SNTG1: variants seen among roughly 807,000 people sequenced by gnomAD.
SNTG1 encodes gamma-1-syntrophin.
In SNTG1, 39 loss-of-function variants were observed where a neutral mutation model predicts 74.7. That is an observed-to-expected ratio of 0.52 (90% CI 0.40 to 0.68). The LOEUF is 0.68. Ranked by LOEUF, SNTG1 falls within the 30% of genes least tolerant of loss-of-function variation. The pLI, the probability that SNTG1 is intolerant of heterozygous loss-of-function variation, is 0.00. For synonymous variants in SNTG1, 254 were observed against 217.1 expected, an observed-to-expected ratio of 1.17 and a Z score of -1.49; for missense variants, 685 against 609.5, an observed-to-expected ratio of 1.12 and a Z score of -1.30.
At chr8:50,758,369 G>A (rs137872924) in intron 18 of SNTG1, among the ~76,000 whole-genome samples, 2 of 151,902 alleles carry the variant, frequency 1.3e-5, no homozygotes, top group Non-Finnish European at 2.9e-5. Context: ...TGTGCAGAAT[G>A]TGCAGGTTTG....
chr8:50,350,063 A>T (rs866524568), intron 2 of SNTG1, among the ~76,000 whole-genome samples: 17 of 152,252 alleles, frequency 1.1e-4, no homozygotes, highest in African/African-American at 3.9e-4. Context: ...CACCCTGGCC[A>T]GCGGCTGCAG....
At position 50,445,829 on chromosome 8, in the gene SNTG1, C is replaced by T. The variant is rs891766351; in HGVS notation, c.220-3839C>T. ...TTGCCTGGACCTCAGGCCATTTATA[C>T]TTCAGTAGGAAAGTAGACTTTGATC... On this transcript the variant is annotated intron_variant, in intron 5 of 18. Coordinates refer to ENST00000642720, the MANE Select transcript of SNTG1 (RefSeq NM_018967.5). 2.0e-3 allele frequency among the ~76,000 whole-genome samples: 299 copies of T among 152,296 alleles called. 1 individual carries two copies. The highest frequency in any genetic ancestry group is 3.8e-3 in the Non-Finnish European group (261 of 68,030).
At chr8:50,336,896 T>C (rs980954871) in intron 2 of SNTG1, among the ~76,000 whole-genome samples, 1 of 152,204 alleles carries the variant, frequency 6.6e-6, no homozygotes, top group African/African-American at 2.4e-5. Flanking sequence ...ATTGTGGCCA[T>C]TGAGTTTGTG....
intron 13 of SNTG1, among the ~76,000 whole-genome samples, chr8:50,621,836 A>C (rs1365278558): frequency 6.6e-6 from 1 of 152,226 alleles, no homozygotes; most frequent in Non-Finnish European, 1.5e-5. Flanking sequence ...AAACTCTTAG[A>C]AATAATTAGT....
At chr8:49,979,439 T>C (rs1430912218) in intron 1 of SNTG1, among the ~76,000 whole-genome samples, 2 of 152,214 alleles carry the variant, frequency 1.3e-5, no homozygotes, top group African/African-American at 4.8e-5. Context: ...TTCTGTGCTT[T>C]TGATGACAAT....
Position 50,349,999 on chromosome 8 carries a change from C to A in SNTG1, c.-27-44213C>A, listed in dbSNP as rs527525775. Among the ~76,000 whole-genome samples the A allele has an allele frequency of 1.8e-4, 27 of 152,312 alleles. No individual in the cohort carries two copies. In the East Asian group the frequency reaches 4.8e-3, roughly 27 times the overall value. On this transcript the variant is annotated intron_variant, in intron 2 of 18. Coordinates refer to ENST00000642720, the MANE Select transcript of SNTG1 (RefSeq NM_018967.5). ...TTCTGGGTGGGCGTGGGCTTGGCGG[C>A]CCCACACTCAGAGCGGCCAGCCAGG... is the stretch of plus-strand genomic sequence containing the variant.
At chr8:50,346,907 T>A (rs1587245074) in intron 2 of SNTG1, among the ~76,000 whole-genome samples, 2 of 152,226 alleles carry the variant, frequency 1.3e-5, no homozygotes, top group South Asian at 4.1e-4. Context: ...AAGGTTGAAG[T>A]GAGCAGAAGC....
chr8:50,220,728 G>A (rs772077577), intron 2 of SNTG1, among the ~76,000 whole-genome samples: 3 of 152,162 alleles, frequency 2.0e-5, no homozygotes, highest in Non-Finnish European at 4.4e-5. Flanking sequence ...GAAGGACCCT[G>A]GCACTTGTTT....
In SNTG1 at chr8:50,727,776, C is replaced by G. The variant is rs538894239; in HGVS notation, c.1284+18798C>G. Among the ~76,000 whole-genome samples, 450 of 152,274 alleles carry G rather than the reference C, an allele frequency of 3.0e-3. 3 individuals are homozygous for G. The highest frequency in any genetic ancestry group is 0.01 in the African/African-American group (435 of 41,536). ...TCACACTGTCATCCCAAGAGCTGAT[C>G]CTGTGGCTATGGATGCTGATTTATT... On this transcript the variant is annotated intron_variant, in intron 17 of 18. Coordinates refer to ENST00000642720, the MANE Select transcript of SNTG1 (RefSeq NM_018967.5).
At chr8:50,254,101 A>G (rs1289306932) in intron 2 of SNTG1, among the ~76,000 whole-genome samples, 2 of 152,192 alleles carry the variant, frequency 1.3e-5, no homozygotes, top group Non-Finnish European at 2.9e-5. Flanking sequence ...GATACACTCG[A>G]TACCTTGATT....
chr8:50,344,921 G>A (rs1453613492), intron 2 of SNTG1, among the ~76,000 whole-genome samples: 1 of 152,304 alleles, frequency 6.6e-6, no homozygotes, highest in Non-Finnish European at 1.5e-5. Context: ...TCCAATCAGA[G>A]TGGTGTCTGA....
At chr8:50,466,732 T>C (rs562556873) in intron 8 of SNTG1, among the ~76,000 whole-genome samples, 44 of 152,004 alleles carry the variant, frequency 2.9e-4, no homozygotes, top group Non-Finnish European at 2.8e-4. Context: ...TTTCCACATA[T>C]AATTCTGTAC....
chr8:50,560,508 T>C (rs1296379348), intron 12 of SNTG1, among the ~76,000 whole-genome samples: 1 of 152,222 alleles, frequency 6.6e-6, no homozygotes, highest in Non-Finnish European at 1.5e-5. Flanking sequence ...GAAAACTTGG[T>C]ACATATACAC....
intron 12 of SNTG1, among the ~76,000 whole-genome samples, chr8:50,586,561 G>A (rs1585765944): frequency 6.6e-6 from 1 of 151,860 alleles, no homozygotes; most frequent in East Asian, 1.9e-4. Context: ...CCATGTTCTA[G>A]CACTTATCAC....
intron 1 of SNTG1, among the ~76,000 whole-genome samples, chr8:50,143,656 T>C (rs1336668833): frequency 6.6e-6 from 1 of 152,228 alleles, no homozygotes; most frequent in Non-Finnish European, 1.5e-5. Context: ...AAGCAGTCTG[T>C]AAAAGCAATT....
At chr8:50,375,589 A>G (rs1264557782) in intron 2 of SNTG1, among the ~76,000 whole-genome samples, 1 of 152,202 alleles carries the variant, frequency 6.6e-6, no homozygotes, top group Non-Finnish European at 1.5e-5. Flanking sequence ...TGTCAACTTT[A>G]CAATCCTAGC....
intron 1 of SNTG1, among the ~76,000 whole-genome samples, chr8:50,145,749 A>G (rs1264928587): frequency 6.6e-6 from 1 of 152,108 alleles, no homozygotes; most frequent in Non-Finnish European, 1.5e-5. Flanking sequence ...TGTCAAAAGC[A>G]CTTTTTATTT....
Position 50,464,337 on chromosome 8 carries a change from C to T in SNTG1, c.363+13608C>T, listed in dbSNP as rs928669357. Among the ~76,000 whole-genome samples the T allele has an allele frequency of 3.3e-5, 5 of 152,146 alleles. No individual in the cohort carries two copies. The South Asian group carries it at 6.2e-4, about 19-fold the overall frequency. ...TGCCCTATTTTGCCTTCCAATACCC[C>T]TTCCTCACTAAGTTTAATAAGTTCT... is the stretch of plus-strand genomic sequence containing the variant. On this transcript the variant is annotated intron_variant, in intron 8 of 18. Transcript: ENST00000642720.
chr8:50,733,922 C>A (rs1296594976), intron 17 of SNTG1, among the ~76,000 whole-genome samples: 2 of 151,600 alleles, frequency 1.3e-5, no homozygotes, highest in Non-Finnish European at 3.0e-5. Context: ...TTATTACTGT[C>A]ATGTCTAGGA....
Sources: allele counts gnomAD v4.1 joint callset (sites outside exome capture counted in the v4.1 genomes callset), GRCh38; gene constraint gnomAD v4.1.1; transcripts MANE v1.5; gene names NCBI Gene and HGNC (gene_info 2026-07-23, HGNC 2026-07-21).